The following BMP8B variants were observed in gnomAD, a reference collection of about 807,000 sequenced individuals.
BMP8B encodes the protein bone morphogenetic protein 8 (osteogenic protein 2).
A neutral mutation model predicts 30.3 loss-of-function variants in BMP8B; 17 were observed. The observed-to-expected ratio is 0.56, with a 90% CI of 0.38 to 0.84. BMP8B has a LOEUF of 0.84. Ranked by LOEUF, BMP8B falls within the 40% of genes least tolerant of loss-of-function variation. The pLI is 0.00. For synonymous variants in BMP8B, 131 were observed against 214.7 expected (o/e 0.61, Z 3.41); for missense variants, 253 against 494.6 (o/e 0.51, Z 4.63).
intron 3 of BMP8B, among the ~76,000 whole-genome samples, chr1:39,768,838 G>A (rs557686014): frequency 3.3e-5 from 5 of 150,392 alleles, no homozygotes; most frequent in South Asian, 2.1e-4. Context: ...TCTAGCCTAG[G>A]TAACAGAGCG....
Position 39,774,781 on chromosome 1 carries a change from G to A in BMP8B, c.524+68C>T. The A allele has an allele frequency of 6.3e-6, 3 of 478,120 alleles. No individual in the cohort carries two copies. In the South Asian group the frequency reaches 6.4e-5, roughly 10 times the overall value. The allele number at this position is 478,120 out of a possible 1,614,324, so 29.6% of individuals were successfully genotyped here. ...TTTCAGCCCACCACGACTCCCTGCT[G>A]GGCTGCCTTGACCATGAGACTGTGA... On this transcript the variant is annotated intron_variant, in intron 2 of 6. Transcript: ENST00000372827.
chr1:39,782,595 G>A (rs1407873916), intron 1 of BMP8B, among the ~76,000 whole-genome samples: 1 of 152,056 alleles, frequency 6.6e-6, no homozygotes, highest in Non-Finnish European at 1.5e-5. Flanking sequence ...AGCCTCCCAA[G>A]TAGCTGGGAT....
chr1:39,781,698 A>T (rs1650647840), intron 1 of BMP8B, among the ~76,000 whole-genome samples: 1 of 152,246 alleles, frequency 6.6e-6, no homozygotes, highest in Admixed American at 6.5e-5. Context: ...GCCTCAGACA[A>T]CTGAGACCAC....
In BMP8B at chr1:39,760,388, G is replaced by C. The variant is rs1648772458; in HGVS notation, c.*31C>G. On this transcript the variant is annotated 3_prime_UTR_variant, in exon 7 of 7. Coordinates refer to ENST00000372827, the MANE Select transcript of BMP8B (RefSeq NM_001720.5). ...CTGAGGGGCCCGATCCAGATGAGAA[G>C]GGTGGCTGCAGCTGGGCCGGGCGGG... 6.2e-7 allele frequency: 1 copy of C among 1,611,818 alleles called. No individual in the cohort carries two copies.
chr1:39,776,039 G>T (rs1650205035), intron 1 of BMP8B, among the ~76,000 whole-genome samples: 1 of 152,296 alleles, frequency 6.6e-6, no homozygotes, highest in African/African-American at 2.4e-5. Context: ...TGCCTGCTGA[G>T]GGTGCGAATC....
chr1:39,766,770 C>G (rs1228473092), intron 3 of BMP8B, among the ~76,000 whole-genome samples: 1 of 144,402 alleles, frequency 6.9e-6, no homozygotes, highest in African/African-American at 2.8e-5. Flanking sequence ...CACGGTGAGT[C>G]AAGGTTATGG....
intron 1 of BMP8B, among the ~76,000 whole-genome samples, chr1:39,778,967 C>T (rs1650429925): frequency 6.6e-6 from 1 of 152,132 alleles, no homozygotes; most frequent in African/African-American, 2.4e-5. Context: ...TCAGGCAACC[C>T]TGCAGAGATG....
intron 1 of BMP8B, among the ~76,000 whole-genome samples, chr1:39,784,254 A>C (rs1474034117): frequency 6.6e-6 from 1 of 152,190 alleles, no homozygotes. Context: ...CAACAGCCCC[A>C]TAAGATGAGT....
At chr1:39,783,894 A>C (rs1017411500) in intron 1 of BMP8B, among the ~76,000 whole-genome samples, 1 of 152,240 alleles carries the variant, frequency 6.6e-6, no homozygotes, top group African/African-American at 2.4e-5. Flanking sequence ...TGGGTGAAAG[A>C]GCAAGACCCT....
At chr1:39,763,409 T>TCCCCAGCCGGCCCTCCCCG (rs1649309059) in intron 5 of BMP8B, among the ~76,000 whole-genome samples, 3 of 103,104 alleles carry the variant, frequency 2.9e-5, no homozygotes, top group Non-Finnish European at 5.1e-5. Context: ...GGCCCTCCCC[T>TCCCCAGCCGGCCCTCCCCG]GCCCACGCCT....
rs1002950320 is a variant in BMP8B, at chr1:39,758,812, C to G, written c.*1607G>C. 2 of 152,270 alleles carry G rather than the reference C, an allele frequency of 1.3e-5. No homozygotes were observed. Among genetic ancestry groups the G allele is most frequent in the Admixed American group, 1.3e-4 (2 of 15,282 alleles). 9.4% of individuals were successfully genotyped at this position (152,270 alleles called of 1,614,324 possible). ...CTGCCCTTTGCGTACATGGGAGGGT[C>G]TCTTCCTCTGCGCTTGCACATGGAG... On this transcript the variant is annotated 3_prime_UTR_variant, in exon 7 of 7. Transcript: ENST00000372827.
rs539364886 is a variant in BMP8B, at chr1:39,771,300, G to C, written c.673+3008C>G. The C allele has an allele frequency of 1.1e-4, 154 of 1,436,750 alleles. 1 individual carries two copies. In the African/African-American group the frequency reaches 2.1e-3, roughly 20 times the overall value. The allele number at this position is 1,436,750 out of a possible 1,614,324, so 89.0% of individuals were successfully genotyped here. A position where few individuals can be genotyped will look rare whatever the true frequency, so the allele number is the denominator to read the frequency against. On this transcript the variant is annotated intron_variant, in intron 3 of 6. Coordinates refer to ENST00000372827, the MANE Select transcript of BMP8B (RefSeq NM_001720.5). The stretch of plus-strand genomic sequence containing the variant: ...CCAGGACAGGTGGTGTGAGCCCTGC[G>C]TGCGCCTCGGGCCGCGCGTCACAGA...
At chr1:39,762,464 C>A in intron 6 of BMP8B, 6 of 1,516,190 alleles carry the variant, frequency 4.0e-6, no homozygotes, top group Non-Finnish European at 4.4e-6. Context: ...ACAGAGCACT[C>A]AACAGTGAGC....
intron 1 of BMP8B, among the ~76,000 whole-genome samples, chr1:39,775,840 G>C (rs1379336338): frequency 1.3e-5 from 2 of 152,060 alleles, no homozygotes; most frequent in Non-Finnish European, 2.9e-5. Context: ...TGGGGAAGTC[G>C]GAGGGTCTCA....
Position 39,784,735 on chromosome 1 carries a change from G to A in BMP8B, c.334+3417C>T, listed in dbSNP as rs1171093315. Among the ~76,000 whole-genome samples, 5 of 121,552 alleles carry A rather than the reference G, an allele frequency of 4.1e-5. 1 individual carries two copies. The highest frequency in any genetic ancestry group is 1.4e-4 in the African/African-American group (5 of 36,060). The allele number at this position is 121,552 out of a possible 152,430, so 79.7% of individuals were successfully genotyped here. ...CACACGGCTGGCAAGGGCAGAGCAG[G>A]ACCCGGGCCAGGTCCCGAATTCCCA... On this transcript the variant is annotated intron_variant, in intron 1 of 6. Coordinates refer to ENST00000372827, the MANE Select transcript of BMP8B (RefSeq NM_001720.5).
chr1:39,769,814 A>G, intron 3 of BMP8B: 1 of 1,613,612 alleles, frequency 6.2e-7, no homozygotes, highest in Non-Finnish European at 8.5e-7. Flanking sequence ...CCTCAGCGTC[A>G]GCTCTTTCTT....
intron 1 of BMP8B, among the ~76,000 whole-genome samples, chr1:39,780,080 C>T (rs986054641): frequency 2.6e-5 from 4 of 151,828 alleles, no homozygotes; most frequent in Admixed American, 1.3e-4. Flanking sequence ...ACGAGGCATC[C>T]GAGAGATGGA....
At position 39,788,276 on chromosome 1, in the gene BMP8B, G is replaced by C. The variant is rs759502754; in HGVS notation, c.210C>G (p.Pro70=). The change falls in exon 1 of 7, where the codon CCC becomes CCG. Residue 70 remains proline (P), a synonymous_variant. Transcript: ENST00000372827. The surrounding 1 kb of genome is among the most constrained non-coding windows in gnomAD (Gnocchi z 5.8). ...CCAGCATGAAGAGCGGCGCGGACGCGGGCAGCCGGGAGGCGGCGGGTGGCG... is the reference window on the plus strand; with the variant it reads ...CCAGCATGAAGAGCGGCGCGGACGCCGGCAGCCGGGAGGCGGCGGGTGGCG... ...PRAPPAASRL[P]ASAPLFMLDL... is the part of the protein sequence containing the mutation. The C allele has an allele frequency of 8.4e-5, 114 of 1,358,168 alleles. No individual in the cohort carries two copies. Among genetic ancestry groups the C allele is most frequent in the Non-Finnish European group, 1.0e-4 (106 of 1,061,886 alleles). 84.1% of individuals were successfully genotyped at this position (1,358,168 alleles called of 1,614,324 possible).
chr1:39,760,695 A>G, intron 6 of BMP8B, 127 bp from the exon 7 acceptor site: 5 of 1,251,272 alleles, frequency 4.0e-6, no homozygotes, highest in Non-Finnish European at 4.3e-6. Context: ...GAGCAGCACA[A>G]TAATAATAAC....
Sources: gnomAD v4.1 joint callset for allele counts (sites outside exome capture counted in the v4.1 genomes callset) on GRCh38, gnomAD v4.1.1 for gene constraint, Gnocchi (gnomAD v3.1) non-coding constraint, MANE v1.5 for transcripts, NCBI Gene and HGNC (gene_info 2026-07-23, HGNC 2026-07-21) for gene names.